DLG2: variants seen among roughly 807,000 people sequenced by gnomAD.
DLG2 encodes the protein discs large MAGUK scaffold protein 2.
DLG2 carries 45 observed loss-of-function variants against 132.5 expected under a neutral mutation model. The ratio of observed to expected loss-of-function variants is 0.34; its 90% CI spans 0.27 to 0.44. DLG2 has a LOEUF of 0.44. DLG2 is among the 20% of genes least tolerant of loss of function. The pLI, the probability that DLG2 is intolerant of heterozygous loss-of-function variation, is 1.00. For synonymous variants in DLG2, 424 were observed against 419.6 expected (o/e 1.01, Z -0.13); for missense variants, 1,045 against 1,196.9 (o/e 0.87, Z 1.87).
At chr11:84,962,921 T>C (rs1427346809) in intron 6 of DLG2, among the ~76,000 whole-genome samples, 1 of 152,182 alleles carries the variant, frequency 6.6e-6, no homozygotes, top group Non-Finnish European at 1.5e-5. Context: ...TCAACTAAAA[T>C]TGCCTTATCA....
At chr11:84,605,983 T>G (rs1010180591) in intron 6 of DLG2, among the ~76,000 whole-genome samples, 2 of 152,096 alleles carry the variant, frequency 1.3e-5, no homozygotes, top group African/African-American at 4.8e-5. Context: ...TTGAATGTCT[T>G]CAGTGCATTT....
intron 7 of DLG2, among the ~76,000 whole-genome samples, chr11:84,355,808 G>C (rs1474464791): frequency 6.6e-6 from 1 of 152,092 alleles, no homozygotes; most frequent in Non-Finnish European, 1.5e-5. Context: ...GATTAGAAGG[G>C]TTAGTGTATC....
At chr11:85,465,045 G>C (rs2092735357) in intron 3 of DLG2, among the ~76,000 whole-genome samples, 1 of 109,074 alleles carries the variant, frequency 9.2e-6, no homozygotes, top group African/African-American at 3.6e-5. Context: ...CTGTACTCCA[G>C]CACGGGCAAC....
chr11:83,940,417 C>G (rs893388377), intron 14 of DLG2, among the ~76,000 whole-genome samples: 3 of 152,172 alleles, frequency 2.0e-5, no homozygotes, highest in African/African-American at 2.4e-5. Flanking sequence ...TGGCCCTGTG[C>G]TACATATGCT....
intron 5 of DLG2, among the ~76,000 whole-genome samples, chr11:85,117,684 C>G (rs1222125293): frequency 1.3e-5 from 2 of 150,418 alleles, no homozygotes; most frequent in African/African-American, 4.9e-5. Context: ...AAAGAGAAGT[C>G]TATGACATCC....
chr11:84,325,148 T>A (rs897304295), intron 7 of DLG2, among the ~76,000 whole-genome samples: 7 of 152,172 alleles, frequency 4.6e-5, no homozygotes, highest in African/African-American at 1.7e-4. Flanking sequence ...AGCTTAGGAC[T>A]TTTCATATCT....
rs1019911868 is a variant in DLG2, at chr11:84,600,272, A to G, written c.358-65541T>C. Among the ~76,000 whole-genome samples, 48 of 152,152 alleles carry G rather than the reference A, an allele frequency of 3.2e-4. 1 individual carries two copies. Among genetic ancestry groups the G allele is most frequent in the South Asian group, 2.5e-3 (12 of 4,798 alleles). On this transcript the variant is annotated intron_variant, in intron 6 of 27. Coordinates refer to ENST00000376104, the MANE Select transcript of DLG2 (RefSeq NM_001142699.3). ...GCAAGCAAGCAGGCAGGCAGGCGGC[A>G]GGCCGGACACAGGGAGGAGTATGAA... is the stretch of plus-strand genomic sequence containing the variant.
chr11:83,904,911 A>G (rs2074345663), intron 15 of DLG2, among the ~76,000 whole-genome samples: 1 of 152,122 alleles, frequency 6.6e-6, no homozygotes, highest in Non-Finnish European at 1.5e-5. Context: ...AAAGTCTCTG[A>G]TTCAGGAGTG....
chr11:84,799,353 C>T (rs1382199337), intron 6 of DLG2, among the ~76,000 whole-genome samples: 1 of 152,168 alleles, frequency 6.6e-6, no homozygotes. Context: ...TCTTCCTCCC[C>T]CAAGTGCACA....
intron 22 of DLG2, among the ~76,000 whole-genome samples, chr11:83,475,845 A>G (rs948494724): frequency 6.6e-6 from 1 of 152,064 alleles, no homozygotes; most frequent in African/African-American, 2.4e-5. Context: ...TGGCACTTCA[A>G]AATAACAGCT....
chr11:83,641,914 A>T lies in DLG2; in HGVS notation c.1826-8589T>A, dbSNP rs191065205. On this transcript the variant is annotated intron_variant, in intron 18 of 27. Transcript: ENST00000376104. ...GTGTATGTGTGTTTGTGTGTGTGTG[A>T]GAGAGAGAGAGAGACATAGAAAAAG... Among the ~76,000 whole-genome samples, 537 of 149,848 alleles carry T rather than the reference A, an allele frequency of 3.6e-3. 1 individual carries two copies. The highest frequency in any genetic ancestry group is 0.013 in the South Asian group (63 of 4,768).
intron 7 of DLG2, among the ~76,000 whole-genome samples, chr11:84,306,129 TCA>T (rs983276669): frequency 2.7e-4 from 41 of 151,024 alleles, no homozygotes; most frequent in African/African-American, 9.9e-4. Flanking sequence ...ATAATAGATT[TCA>T]CACGTTTTTT....
At chr11:83,864,395 A>T (rs1353544531) in intron 16 of DLG2, among the ~76,000 whole-genome samples, 2 of 152,224 alleles carry the variant, frequency 1.3e-5, no homozygotes, top group African/African-American at 4.8e-5. Flanking sequence ...CTTGGCACAT[A>T]CTAGACATTC....
intron 18 of DLG2, among the ~76,000 whole-genome samples, chr11:83,715,538 GTCT>G (rs1394389132): frequency 1.3e-5 from 2 of 152,144 alleles, no homozygotes; most frequent in Non-Finnish European, 2.9e-5. Context: ...CCCCACCCTT[GTCT>G]TCTTAATGAC....
intron 25 of DLG2, among the ~76,000 whole-genome samples, chr11:83,467,250 A>T (rs2091201649): frequency 6.6e-6 from 1 of 152,182 alleles, no homozygotes; most frequent in African/African-American, 2.4e-5. Flanking sequence ...AACTTGCCCA[A>T]TAGTTTAGTG....
chr11:85,064,145 A>C (rs1349266294), intron 6 of DLG2, among the ~76,000 whole-genome samples: 1 of 151,900 alleles, frequency 6.6e-6, no homozygotes, highest in Non-Finnish European at 1.5e-5. Flanking sequence ...AATACATCAT[A>C]ACCAAGAAAT....
chr11:84,904,002 C>A (rs1285718331), intron 6 of DLG2, among the ~76,000 whole-genome samples: 1 of 152,060 alleles, frequency 6.6e-6, no homozygotes, highest in East Asian at 1.9e-4. Flanking sequence ...TAGGCTTATG[C>A]AATGTTCAAC....
At chr11:83,894,787 A>G (rs541987862) in intron 15 of DLG2, among the ~76,000 whole-genome samples, 1 of 152,150 alleles carries the variant, frequency 6.6e-6, no homozygotes, top group South Asian at 2.1e-4. Context: ...TAAAAAACTT[A>G]TTTTCCCCAG....
At chr11:85,122,989 T>G (rs1486987108) in intron 5 of DLG2, among the ~76,000 whole-genome samples, 1 of 82,388 alleles carries the variant, frequency 1.2e-5, no homozygotes, top group Non-Finnish European at 2.4e-5. Context: ...TTTTTTTTTT[T>G]TTTTTTGAGA....
Sources: gnomAD v4.1 joint callset for allele counts (sites outside exome capture counted in the v4.1 genomes callset) on GRCh38, gnomAD v4.1.1 for gene constraint, MANE v1.5 for transcripts, NCBI Gene and HGNC (gene_info 2026-07-23, HGNC 2026-07-21) for gene names.